The following FAM110B variants were observed in gnomAD, a reference collection of about 807,000 sequenced individuals.
FAM110B encodes the protein protein FAM110B.
FAM110B carries 6 observed loss-of-function variants against 20.4 expected under a neutral mutation model. That is an observed-to-expected ratio of 0.29 (90% confidence interval 0.16 to 0.58). FAM110B has a LOEUF of 0.58. Among genes scored for constraint, FAM110B ranks in the 20% least tolerant of loss-of-function variants. The pLI, the probability that FAM110B is intolerant of heterozygous loss-of-function variation, is 0.90. For missense variants in FAM110B, 434 were observed against 498.2 expected, an observed-to-expected ratio of 0.87 and a Z score of 1.23; for synonymous variants, 226 against 214.1, an observed-to-expected ratio of 1.06 and a Z score of -0.49.
chr8:58,123,105 C>G (rs1316584598), intron 3 of FAM110B, among the ~76,000 whole-genome samples: 2 of 152,166 alleles, frequency 1.3e-5, no homozygotes. Flanking sequence ...TGAAGGCTCC[C>G]TTTACCCTAG....
At chr8:58,059,711 T>G (rs948759325) in intron 2 of FAM110B, among the ~76,000 whole-genome samples, 4 of 151,994 alleles carry the variant, frequency 2.6e-5, no homozygotes, top group Non-Finnish European at 4.4e-5. Flanking sequence ...TTTTATTTTC[T>G]TAAGTGTTAT....
At chr8:58,008,125 C>CT (rs1804450004) in intron 1 of FAM110B, among the ~76,000 whole-genome samples, 50 of 117,910 alleles carry the variant, frequency 4.2e-4, no homozygotes, top group African/African-American at 1.6e-3. Context: ...GAAAAGCTTG[C>CT]ATTTTTTTTT....
intron 3 of FAM110B, among the ~76,000 whole-genome samples, chr8:58,111,782 A>T (rs1351017373): frequency 6.6e-6 from 1 of 152,300 alleles, no homozygotes; most frequent in East Asian, 1.9e-4. Flanking sequence ...CTCTGACCAT[A>T]GGAAGTAATC....
intron 3 of FAM110B, among the ~76,000 whole-genome samples, chr8:58,141,053 G>A (rs987273718): frequency 6.6e-6 from 1 of 152,138 alleles, no homozygotes; most frequent in African/African-American, 2.4e-5. Flanking sequence ...CATTTGTAAA[G>A]AATCCAAAAG....
chr8:58,024,928 C>T (rs1804823127), intron 1 of FAM110B, among the ~76,000 whole-genome samples: 1 of 152,176 alleles, frequency 6.6e-6, no homozygotes, highest in Admixed American at 6.5e-5. Context: ...GAGAGATGCT[C>T]ACCTTCTATC....
At chr8:58,065,436 A>G (rs1266615926) in intron 2 of FAM110B, among the ~76,000 whole-genome samples, 1 of 152,234 alleles carries the variant, frequency 6.6e-6, no homozygotes, top group Non-Finnish European at 1.5e-5. Flanking sequence ...AAACACTTTC[A>G]TAACCTAGAG....
rs78835495 is a variant in FAM110B, at chr8:58,053,162, T to C, written c.-414+21459T>C. Among the ~76,000 whole-genome samples the C allele has an allele frequency of 4.2e-4, 64 of 152,288 alleles. No individual in the cohort carries two copies. The East Asian group carries it at 4.8e-3, about 11-fold the overall frequency. ...TCAGCTGACTGCAGTAGAGAGTCTC[T>C]TGCTGGCCTTGCAGAAGTGAGGTGC... On this transcript the variant is annotated intron_variant, in intron 2 of 3. Transcript: ENST00000519262.
chr8:58,082,641 T>A (rs766013935), intron 3 of FAM110B, among the ~76,000 whole-genome samples: 5 of 152,126 alleles, frequency 3.3e-5, no homozygotes, highest in African/African-American at 4.8e-5. Context: ...ACTCTGAATC[T>A]GTAGAATCGA....
chr8:58,014,456 T>C (rs1804599479), intron 1 of FAM110B, among the ~76,000 whole-genome samples: 1 of 152,168 alleles, frequency 6.6e-6, no homozygotes, highest in African/African-American at 2.4e-5. Flanking sequence ...CTGGGTGAAG[T>C]CCTCATCTGA....
intron 3 of FAM110B, among the ~76,000 whole-genome samples, chr8:58,089,774 A>G (rs2150602604): frequency 6.6e-6 from 1 of 152,360 alleles, no homozygotes; most frequent in South Asian, 2.1e-4. Flanking sequence ...TCAGGAGATC[A>G]TGTTTTAGAA....
At chr8:58,058,102 T>A (rs1805584775) in intron 2 of FAM110B, among the ~76,000 whole-genome samples, 1 of 152,226 alleles carries the variant, frequency 6.6e-6, no homozygotes, top group African/African-American at 2.4e-5. Flanking sequence ...CACTCCCTTA[T>A]TAGTTGCAAG....
intron 2 of FAM110B, among the ~76,000 whole-genome samples, chr8:58,069,877 ACTCTTTGTTT>A (rs1482255584): frequency 6.6e-6 from 1 of 152,108 alleles, no homozygotes; most frequent in Non-Finnish European, 1.5e-5. Flanking sequence ...TGATTTAACC[ACTCTTTGTTT>A]CTCTAGATTT....
intron 2 of FAM110B, among the ~76,000 whole-genome samples, chr8:58,047,937 T>G (rs1025420367): frequency 5.9e-5 from 9 of 152,200 alleles, no homozygotes; most frequent in Non-Finnish European, 1.3e-4. Context: ...CTTTAGCGTC[T>G]TCATCTTAAC....
chr8:58,004,761 C>T (rs1027544704), intron 1 of FAM110B, among the ~76,000 whole-genome samples: 3 of 152,168 alleles, frequency 2.0e-5, no homozygotes, highest in Non-Finnish European at 4.4e-5. Context: ...ACAAACAAAC[C>T]TCATGAACCA....
intron 2 of FAM110B, among the ~76,000 whole-genome samples, chr8:58,058,468 T>C (rs896411336): frequency 6.6e-6 from 1 of 151,926 alleles, no homozygotes; most frequent in African/African-American, 2.4e-5. Context: ...GAGGCAAAAA[T>C]ACTAGTTGAA....
intron 2 of FAM110B, among the ~76,000 whole-genome samples, chr8:58,034,665 A>G (rs1805037728): frequency 6.6e-6 from 1 of 152,246 alleles, no homozygotes; most frequent in Admixed American, 6.5e-5. Flanking sequence ...GTGAGTTGCT[A>G]CATGAGCTGG....
At chr8:58,031,341 C>T (rs1242498520) in intron 1 of FAM110B, 1 of 152,126 alleles carries the variant, frequency 6.6e-6, no homozygotes, top group African/African-American at 2.4e-5. Context: ...CCGGGGTTCC[C>T]CAGGCTCATG....
At chr8:57,999,466 A>AT (rs1203414975) in intron 1 of FAM110B, among the ~76,000 whole-genome samples, 16 of 151,772 alleles carry the variant, frequency 1.1e-4, no homozygotes, top group Non-Finnish European at 4.4e-5. Flanking sequence ...TTTTAATTTT[A>AT]TTTTTTAGGA....
intron 2 of FAM110B, chr8:58,043,254 G>A (rs1048034662): frequency 3.9e-5 from 6 of 151,974 alleles, no homozygotes; most frequent in African/African-American, 1.2e-4. Flanking sequence ...CGATGCACCA[G>A]CCCGGTGCCC....
Sources: gnomAD v4.1 joint callset for allele counts (sites outside exome capture counted in the v4.1 genomes callset) on GRCh38, gnomAD v4.1.1 for gene constraint, MANE v1.5 for transcripts, NCBI Gene and HGNC (gene_info 2026-07-23, HGNC 2026-07-21) for gene names.